Variants in NOL10 observed in about 807,000 individuals in gnomAD.
NOL10 encodes the protein nucleolar protein 10.
NOL10 carries 58 observed loss-of-function variants against 103.5 expected under a neutral mutation model. The observed-to-expected ratio is 0.56, with a 90% CI of 0.45 to 0.70. The LOEUF (loss-of-function observed/expected upper bound fraction) is 0.70. Ranked by LOEUF, NOL10 falls within the 30% of genes least tolerant of loss-of-function variation. The pLI is 0.00. For synonymous variants in NOL10, 287 were observed against 282.5 expected (o/e 1.02, Z -0.16); for missense variants, 763 against 807.3 (o/e 0.95, Z 0.67).
chr2:10,581,306 C>T (rs1414737834), intron 19 of NOL10, among the ~76,000 whole-genome samples: 1 of 152,146 alleles, frequency 6.6e-6, no homozygotes, highest in African/African-American at 2.4e-5. Flanking sequence ...CAGCAAACTC[C>T]TACTAGGAAT....
intron 13 of NOL10, among the ~76,000 whole-genome samples, chr2:10,615,763 G>C (rs1370387923): frequency 6.6e-6 from 1 of 152,100 alleles, no homozygotes; most frequent in African/African-American, 2.4e-5. Context: ...TCTAAGCATG[G>C]GGGACGACAG....
At chr2:10,636,342 G>A (rs1436242467) in intron 13 of NOL10, among the ~76,000 whole-genome samples, 5 of 146,852 alleles carry the variant, frequency 3.4e-5, no homozygotes, top group African/African-American at 7.6e-5. Context: ...CTAAGAGGCC[G>A]AGACAGGAAG....
chr2:10,635,443 C>T (rs1251763477), intron 13 of NOL10, among the ~76,000 whole-genome samples: 1 of 152,174 alleles, frequency 6.6e-6, no homozygotes, highest in African/African-American at 2.4e-5. Flanking sequence ...AAAGAAAACA[C>T]CAAGTCTCCA....
chr2:10,595,170 G>C (rs1675608559), intron 17 of NOL10, among the ~76,000 whole-genome samples: 1 of 130,952 alleles, frequency 7.6e-6, no homozygotes, highest in Admixed American at 8.0e-5. Flanking sequence ...GAGAGAGAGA[G>C]AGAGAGAGAT....
chr2:10,681,264 T>C (rs895725863), intron 3 of NOL10, among the ~76,000 whole-genome samples: 2 of 146,836 alleles, frequency 1.4e-5, no homozygotes, highest in African/African-American at 2.6e-5. Context: ...AGTCATAGAA[T>C]GAAATATCTT....
intron 19 of NOL10, among the ~76,000 whole-genome samples, chr2:10,587,680 T>C (rs1675187383): frequency 1.3e-5 from 2 of 152,124 alleles, no homozygotes; most frequent in Admixed American, 1.3e-4. Flanking sequence ...AGTTAGTTCA[T>C]CAGAACCAGA....
At chr2:10,683,984 G>A (rs182500456) in intron 2 of NOL10, among the ~76,000 whole-genome samples, 2 of 152,170 alleles carry the variant, frequency 1.3e-5, no homozygotes, top group East Asian at 3.9e-4. Context: ...AGTTTCTTAA[G>A]AAGGAGAAAG....
At chr2:10,667,579 G>T (rs1680641065) in intron 7 of NOL10, among the ~76,000 whole-genome samples, 1 of 152,124 alleles carries the variant, frequency 6.6e-6, no homozygotes, top group African/African-American at 2.4e-5. Context: ...ATTTTTCAAG[G>T]TATTTTCTTC....
chr2:10,676,116 T>C (rs1195369762), intron 3 of NOL10, among the ~76,000 whole-genome samples: 4 of 152,282 alleles, frequency 2.6e-5, no homozygotes, highest in African/African-American at 9.6e-5. Flanking sequence ...ACAAAATACA[T>C]GCAAACAATG....
chr2:10,631,745 C>T (rs1157643023), intron 13 of NOL10, among the ~76,000 whole-genome samples: 7 of 148,962 alleles, frequency 4.7e-5, no homozygotes, highest in Middle Eastern at 3.2e-3. Flanking sequence ...GATGGAGTTT[C>T]GCTCGTTTGC....
chr2:10,661,515 G>T (rs1572398535), intron 9 of NOL10, among the ~76,000 whole-genome samples: 1 of 152,198 alleles, frequency 6.6e-6, no homozygotes, highest in African/African-American at 2.4e-5. Context: ...GGGATTACAG[G>T]CATGCACCAC....
intron 17 of NOL10, among the ~76,000 whole-genome samples, chr2:10,595,089 A>G (rs1174283510): frequency 6.7e-6 from 1 of 150,236 alleles, no homozygotes; most frequent in Non-Finnish European, 1.5e-5. Context: ...ATAATGCCTA[A>G]CACTAAAAAG....
At chr2:10,628,490 A>G (rs1677628297) in intron 13 of NOL10, among the ~76,000 whole-genome samples, 1 of 152,160 alleles carries the variant, frequency 6.6e-6, no homozygotes. Flanking sequence ...GTATTTTTAA[A>G]ATTGTTCCCC....
chr2:10,639,197 C>A (rs934959286), intron 13 of NOL10, among the ~76,000 whole-genome samples: 2 of 151,954 alleles, frequency 1.3e-5, no homozygotes, highest in Admixed American at 1.3e-4. Flanking sequence ...CCGAGGCAGG[C>A]GGATCACAAG....
chr2:10,600,970 T>C (rs1675944751), intron 16 of NOL10, 28 bp from the exon 17 acceptor site: 1 of 1,357,884 alleles, frequency 7.4e-7, no homozygotes, highest in African/African-American at 1.5e-5. Flanking sequence ...GCTGGTATTT[T>C]ATTTTATTTT....
intron 6 of NOL10, among the ~76,000 whole-genome samples, chr2:10,669,042 A>G (rs1228491737): frequency 6.6e-6 from 1 of 152,222 alleles, no homozygotes; most frequent in East Asian, 1.9e-4. Context: ...AAGGAAATAT[A>G]ATAAGGATCC....
At chr2:10,607,750 T>TTTTTTATTATTATTA (rs70953321) in intron 13 of NOL10, among the ~76,000 whole-genome samples, 1,723 of 144,716 alleles carry the variant, frequency 0.012, 11 homozygotes, top group Middle Eastern at 0.053. Context: ...AAAAACAATA[T>TTTTTTATTATTATTA]TTATTATTAT....
chr2:10,603,306 A>G (rs1676083819), intron 14 of NOL10, 149 bp from the exon 15 acceptor site: 1 of 621,952 alleles, frequency 1.6e-6, no homozygotes, highest in South Asian at 2.2e-5. Context: ...TTTGATATCT[A>G]TAGAGAACAT....
At chr2:10,667,487 C>A (rs1680636409) in intron 7 of NOL10, among the ~76,000 whole-genome samples, 1 of 152,234 alleles carries the variant, frequency 6.6e-6, no homozygotes, top group Non-Finnish European at 1.5e-5. Flanking sequence ...CCCAGGGTGA[C>A]ACTCTACCTG....
Sources: allele counts gnomAD v4.1 joint callset (sites outside exome capture counted in the v4.1 genomes callset), GRCh38; gene constraint gnomAD v4.1.1; transcripts MANE v1.5; gene names NCBI Gene and HGNC (gene_info 2026-07-23, HGNC 2026-07-21).